Variants in CENPP observed in about 807,000 individuals in gnomAD.
CENPP encodes the protein centromere protein P.
In CENPP, 24 loss-of-function variants were observed where a neutral mutation model predicts 35.6. The observed-to-expected ratio is 0.67, with a 90% CI of 0.49 to 0.95. CENPP has a LOEUF of 0.95. Ranked by LOEUF, CENPP falls within the 40% of genes least tolerant of loss-of-function variation. The pLI is 0.00. For synonymous variants in CENPP, 120 were observed against 125.5 expected (o/e 0.96, Z 0.29); for missense variants, 332 against 345.3 (o/e 0.96, Z 0.31).
intron 5 of CENPP, among the ~76,000 whole-genome samples, chr9:92,566,012 C>A (rs1849957852): frequency 6.6e-6 from 1 of 152,082 alleles, no homozygotes; most frequent in African/African-American, 2.4e-5. Flanking sequence ...GTAAGACATA[C>A]AAAGAAGCGG....
chr9:92,477,729 A>G (rs542824724), intron 5 of CENPP, among the ~76,000 whole-genome samples: 37 of 151,948 alleles, frequency 2.4e-4, no homozygotes, highest in Non-Finnish European at 4.4e-4. Context: ...ACACTTCCCT[A>G]CTCAAAAATA....
chr9:92,553,219 G>A (rs1849651147), intron 5 of CENPP, among the ~76,000 whole-genome samples: 1 of 152,124 alleles, frequency 6.6e-6, no homozygotes, highest in African/African-American at 2.4e-5. Flanking sequence ...TCAGTTGGCT[G>A]TAAGTATTTG....
chr9:92,442,396 C>A (rs2131005280), intron 5 of CENPP, among the ~76,000 whole-genome samples: 2 of 77,728 alleles, frequency 2.6e-5, no homozygotes, highest in South Asian at 4.5e-4. Flanking sequence ...GAAACTCTGT[C>A]TCAAAAAAAA....
intron 5 of CENPP, among the ~76,000 whole-genome samples, chr9:92,382,111 A>G (rs938028961): frequency 6.6e-6 from 1 of 151,924 alleles, no homozygotes; most frequent in African/African-American, 2.4e-5. Flanking sequence ...AGTTCTTTAT[A>G]TATTCTAGAT....
At chr9:92,517,356 C>A (rs1847792960) in intron 5 of CENPP, 1 of 480,298 alleles carries the variant, frequency 2.1e-6, no homozygotes, top group African/African-American at 2.0e-5. Flanking sequence ...ACATATAGAC[C>A]AAAGCAGAGC....
intron 5 of CENPP, among the ~76,000 whole-genome samples, chr9:92,425,163 TTCATTTTTATCA>T (rs1843930583): frequency 6.6e-6 from 1 of 152,364 alleles, no homozygotes; most frequent in Middle Eastern, 3.4e-3. Flanking sequence ...GGCTTACATC[TTCATTTTTATCA>T]TCATTTTTAT....
At chr9:92,604,668 C>T (rs897641209) in intron 5 of CENPP, among the ~76,000 whole-genome samples, 11 of 152,170 alleles carry the variant, frequency 7.2e-5, no homozygotes, top group African/African-American at 1.4e-4. Flanking sequence ...GATCTCAGCT[C>T]GCTGCAACCT....
At chr9:92,453,768 A>G (rs181476652) in intron 5 of CENPP, among the ~76,000 whole-genome samples, 59 of 152,312 alleles carry the variant, frequency 3.9e-4, no homozygotes, top group African/African-American at 1.4e-3. Flanking sequence ...TTGAATTGTG[A>G]ATGAAAGAGA....
At chr9:92,486,805 G>A (rs1356300025) in intron 5 of CENPP, among the ~76,000 whole-genome samples, 10 of 145,020 alleles carry the variant, frequency 6.9e-5, no homozygotes, top group Non-Finnish European at 9.0e-5. Context: ...TTTTTGAGAC[G>A]GAGTCTTGCT....
At chr9:92,610,504 C>T (rs1429805676) in intron 5 of CENPP, 1 of 152,244 alleles carries the variant, frequency 6.6e-6, no homozygotes, top group African/African-American at 2.4e-5. Context: ...TAGCTAGAGG[C>T]TACCAGGTCC....
At chr9:92,430,223 C>T (rs1844070769) in intron 5 of CENPP, among the ~76,000 whole-genome samples, 1 of 152,124 alleles carries the variant, frequency 6.6e-6, no homozygotes, top group Non-Finnish European at 1.5e-5. Context: ...GCCCTGTATG[C>T]TGCGTTTTCT....
At chr9:92,447,075 T>C (rs1023826154) in intron 5 of CENPP, among the ~76,000 whole-genome samples, 3 of 152,094 alleles carry the variant, frequency 2.0e-5, no homozygotes, top group African/African-American at 7.2e-5. Context: ...AGCTTAACTT[T>C]TCCTCTTTAA....
intron 5 of CENPP, among the ~76,000 whole-genome samples, chr9:92,497,753 G>A (rs1332744716): frequency 1.3e-5 from 2 of 151,796 alleles, no homozygotes; most frequent in African/African-American, 4.8e-5. Context: ...TGGAGGTGGT[G>A]CTTAATGGGA....
At chr9:92,610,588 C>G (rs947445033) in intron 5 of CENPP, 1 of 152,180 alleles carries the variant, frequency 6.6e-6, no homozygotes, top group Non-Finnish European at 1.5e-5. Flanking sequence ...CCCAGAACCG[C>G]AAGCCTAGAA....
chr9:92,410,230 C>T (rs1843410062), intron 5 of CENPP, among the ~76,000 whole-genome samples: 1 of 152,168 alleles, frequency 6.6e-6, no homozygotes, highest in African/African-American at 2.4e-5. Context: ...GCCACCGTGC[C>T]CAGCCTCATT....
intron 6 of CENPP, among the ~76,000 whole-genome samples, chr9:92,612,135 T>C (rs1851277072): frequency 6.6e-6 from 1 of 152,248 alleles, no homozygotes; most frequent in Admixed American, 6.5e-5. Flanking sequence ...GTACATAAGC[T>C]TCTCCTGGGC....
At chr9:92,363,412 T>C (rs1007719315) in intron 4 of CENPP, among the ~76,000 whole-genome samples, 5 of 152,218 alleles carry the variant, frequency 3.3e-5, no homozygotes, top group African/African-American at 7.2e-5. Flanking sequence ...TGTTTAGATA[T>C]GTTAAATGCA....
chr9:92,495,500 T>C (rs1165982711), intron 5 of CENPP: 4 of 982,984 alleles, frequency 4.1e-6, no homozygotes, highest in Non-Finnish European at 4.8e-6. Flanking sequence ...TACAAGGTTA[T>C]AGTCAAGAAT....
At chr9:92,466,034 T>C (rs191064326) in intron 5 of CENPP, among the ~76,000 whole-genome samples, 1 of 152,256 alleles carries the variant, frequency 6.6e-6, no homozygotes, top group East Asian at 1.9e-4. Flanking sequence ...GGTTTTACTA[T>C]GTTGGCCAGG....
Sources: gnomAD v4.1 joint callset for allele counts (sites outside exome capture counted in the v4.1 genomes callset) on GRCh38, gnomAD v4.1.1 for gene constraint, MANE v1.5 for transcripts, NCBI Gene and HGNC (gene_info 2026-07-23, HGNC 2026-07-21) for gene names.